Variants in SHC3 observed in about 807,000 individuals in gnomAD.
SHC3 encodes the protein SHC adaptor protein 3.
SHC3 carries 15 observed loss-of-function variants against 60.4 expected under a neutral mutation model. The observed-to-expected ratio is 0.25, with a 90% CI of 0.17 to 0.38. SHC3 has a LOEUF of 0.38. Ranked by LOEUF, SHC3 falls within the 10% of genes least tolerant of loss-of-function variation. The pLI, the probability that SHC3 is intolerant of heterozygous loss-of-function variation, is 1.00. For synonymous variants in SHC3, 294 were observed against 325.9 expected (o/e 0.90, Z 1.05); for missense variants, 677 against 786.1 (o/e 0.86, Z 1.66).
At chr9:89,061,408 C>T (rs551337949) in intron 6 of SHC3, among the ~76,000 whole-genome samples, 3 of 152,308 alleles carry the variant, frequency 2.0e-5, no homozygotes, top group East Asian at 3.9e-4. Flanking sequence ...TTGAAACCAC[C>T]ATATTCGAGA....
intron 1 of SHC3, among the ~76,000 whole-genome samples, chr9:89,163,357 A>G (rs1486035332): frequency 6.6e-6 from 1 of 152,212 alleles, no homozygotes; most frequent in Non-Finnish European, 1.5e-5. Flanking sequence ...ATGTCCAACA[A>G]TGATAGACTG....
chr9:89,132,967 C>G lies in SHC3; in HGVS notation c.475-20341G>C, dbSNP rs28809539. Among the ~76,000 whole-genome samples the G allele has an allele frequency of 1.2e-3, 182 of 152,238 alleles. 1 individual carries two copies. The highest frequency in any genetic ancestry group is 4.3e-3 in the African/African-American group (178 of 41,530). ...CAAAAGAAACTACCATCAGAGTGAACAGGCAACCTACAGACTGGGAGAAAA... is the reference window on the plus strand; with the variant it reads ...CAAAAGAAACTACCATCAGAGTGAAGAGGCAACCTACAGACTGGGAGAAAA... On this transcript the variant is annotated intron_variant, in intron 1 of 11. Coordinates refer to ENST00000375835, the MANE Select transcript of SHC3 (RefSeq NM_016848.6).
At chr9:89,074,357 C>G (rs999632848) in intron 4 of SHC3, among the ~76,000 whole-genome samples, 2 of 152,172 alleles carry the variant, frequency 1.3e-5, no homozygotes, top group Non-Finnish European at 2.9e-5. Context: ...AGAGTCCACA[C>G]TCCACACCCC....
intron 6 of SHC3, among the ~76,000 whole-genome samples, chr9:89,061,776 T>C (rs1825094022): frequency 6.6e-6 from 1 of 152,242 alleles, no homozygotes; most frequent in Non-Finnish European, 1.5e-5. Flanking sequence ...CATGCCATCC[T>C]GTCCAGTCCT....
intron 11 of SHC3, among the ~76,000 whole-genome samples, chr9:89,031,821 A>C (rs1373132793): frequency 6.6e-6 from 1 of 152,200 alleles, no homozygotes; most frequent in Non-Finnish European, 1.5e-5. Context: ...CATTGATAAA[A>C]ATGTAAAAGG....
intron 1 of SHC3, among the ~76,000 whole-genome samples, chr9:89,137,454 C>G (rs938576786): frequency 3.9e-5 from 6 of 151,956 alleles, no homozygotes; most frequent in African/African-American, 1.2e-4. Flanking sequence ...CCAAAAAATC[C>G]CAAATCTTAA....
intron 6 of SHC3, among the ~76,000 whole-genome samples, chr9:89,054,117 T>A (rs1002498357): frequency 6.6e-6 from 1 of 152,128 alleles, no homozygotes; most frequent in African/African-American, 2.4e-5. Context: ...GGCTGTACAA[T>A]CTCATCCACA....
At chr9:89,079,110 G>A (rs1170133644) in intron 2 of SHC3, among the ~76,000 whole-genome samples, 7 of 152,174 alleles carry the variant, frequency 4.6e-5, no homozygotes, top group South Asian at 2.1e-4. Flanking sequence ...CAGGAAAACC[G>A]TAGGCAATGA....
At chr9:89,173,767 T>A (rs1826904369) in intron 1 of SHC3, among the ~76,000 whole-genome samples, 1 of 152,094 alleles carries the variant, frequency 6.6e-6, no homozygotes, top group Non-Finnish European at 1.5e-5. Context: ...GGTGTGTGTG[T>A]GCCTTTAACA....
chr9:89,016,165 A>G (rs1826090011), intron 11 of SHC3, among the ~76,000 whole-genome samples: 1 of 152,124 alleles, frequency 6.6e-6, no homozygotes, highest in African/African-American at 2.4e-5. Flanking sequence ...TAGCCAGGCT[A>G]AGAAAAAAAG....
At chr9:89,059,629 C>CA (rs1825035617) in intron 6 of SHC3, among the ~76,000 whole-genome samples, 3 of 81,976 alleles carry the variant, frequency 3.7e-5, no homozygotes, top group African/African-American at 5.1e-5. Context: ...TGGTGGAGGA[C>CA]GTGGTGGAGG....
At chr9:89,029,223 T>C (rs1341597470) in intron 11 of SHC3, among the ~76,000 whole-genome samples, 1 of 151,806 alleles carries the variant, frequency 6.6e-6, no homozygotes, top group Admixed American at 6.6e-5. Context: ...TTATCAAAAA[T>C]ATTATATAAG....
chr9:89,026,627 C>T (rs537912920), intron 11 of SHC3, among the ~76,000 whole-genome samples: 2 of 152,336 alleles, frequency 1.3e-5, no homozygotes, highest in Admixed American at 6.5e-5. Flanking sequence ...CTGGCATGTC[C>T]TTAACTTTGG....
At chr9:89,120,551 A>C (rs1432485546) in intron 1 of SHC3, among the ~76,000 whole-genome samples, 1 of 152,220 alleles carries the variant, frequency 6.6e-6, no homozygotes, top group Non-Finnish European at 1.5e-5. Flanking sequence ...AACACAGGAA[A>C]ATGTGCCTTC....
At chr9:89,110,392 T>A in intron 2 of SHC3, 4 of 985,136 alleles carry the variant, frequency 4.1e-6, no homozygotes, top group Non-Finnish European at 4.8e-6. Flanking sequence ...ATTAGGACAT[T>A]AGATTTCCCT....
chr9:89,095,052 G>T (rs1211755822), intron 2 of SHC3, among the ~76,000 whole-genome samples: 2 of 152,098 alleles, frequency 1.3e-5, no homozygotes, highest in African/African-American at 4.8e-5. Flanking sequence ...GTGGAAAACG[G>T]CATGGCGGTT....
Position 89,098,328 on chromosome 9 carries a change from C to A in SHC3, c.545+14228G>T, listed in dbSNP as rs77162264. Among the ~76,000 whole-genome samples, 3 of 152,264 alleles carry A rather than the reference C, an allele frequency of 2.0e-5. No individual in the cohort carries two copies. In the East Asian group the frequency reaches 5.8e-4, roughly 29 times the overall value. On this transcript the variant is annotated intron_variant, in intron 2 of 11. Transcript: ENST00000375835. Reference sequence around the variant, plus strand: ...AAAAAACCATCAATGAAGGACATTACGGGACAATTGATGAAATTTGGATTT... The same window carrying A: ...AAAAAACCATCAATGAAGGACATTAAGGGACAATTGATGAAATTTGGATTT...
chr9:89,160,055 A>G (rs1486641553), intron 1 of SHC3, among the ~76,000 whole-genome samples: 1 of 152,228 alleles, frequency 6.6e-6, no homozygotes, highest in Non-Finnish European at 1.5e-5. Context: ...CCATGGGAGG[A>G]CTTCGCACAG....
intron 1 of SHC3, among the ~76,000 whole-genome samples, chr9:89,120,429 A>G (rs921791621): frequency 6.6e-6 from 1 of 152,236 alleles, no homozygotes; most frequent in African/African-American, 2.4e-5. Context: ...AAATTCACAG[A>G]AGAAAGGCAA....
Sources: allele counts gnomAD v4.1 joint callset (sites outside exome capture counted in the v4.1 genomes callset), GRCh38; gene constraint gnomAD v4.1.1; transcripts MANE v1.5; gene names NCBI Gene and HGNC (gene_info 2026-07-23, HGNC 2026-07-21).